Variants in PCDH11X observed in about 807,000 individuals in gnomAD.
The protein encoded by PCDH11X is protocadherin 11 X-linked.
Under a neutral mutation model 53.3 loss-of-function variants are expected in PCDH11X, and 18 were observed. That is an observed-to-expected ratio of 0.34 (90% CI 0.23 to 0.50). The LOEUF is 0.50. PCDH11X is among the 20% of genes least tolerant of loss of function. PCDH11X has a pLI of 0.98. For synonymous variants in PCDH11X, 279 were observed against 393.3 expected (o/e 0.71, Z 3.44); for missense variants, 570 against 1,032.4 (o/e 0.55, Z 6.14).
rs764383962 is a variant in PCDH11X, at chrX:91,856,056, G to A, written c.540+20012G>A. On this transcript the variant is annotated intron_variant, in intron 5 of 10. Coordinates refer to ENST00000682573, the MANE Select transcript of PCDH11X (RefSeq NM_032968.5). ...CTATGTTGAATAATAGTGGTGACAG[G>A]GGGCATCCTTGTCATGTTCCAGATC... is the stretch of plus-strand genomic sequence containing the variant. Among the ~76,000 whole-genome samples, 6 of 94,525 alleles carry A rather than the reference G, an allele frequency of 6.3e-5. No individual in the cohort carries two copies. In the South Asian group the frequency reaches 2.3e-3, roughly 36 times the overall value. The allele number at this position is 94,525 out of a possible 115,157, so 82.1% of individuals were successfully genotyped here.
At chrX:92,094,133 A>ATGTG (rs58997781) in intron 6 of PCDH11X, among the ~76,000 whole-genome samples, 66 of 94,243 alleles carry the variant, frequency 7.0e-4, no homozygotes, top group South Asian at 6.7e-3. Context: ...AAAAAGTAAT[A>ATGTG]TGTGTGTGTG....
intron 6 of PCDH11X, among the ~76,000 whole-genome samples, chrX:91,962,443 G>T (rs1226159708): frequency 1.8e-5 from 2 of 112,701 alleles, no homozygotes; most frequent in East Asian, 2.8e-4. Context: ...GTGTGCTGAT[G>T]CAAGAGGTGA....
At chrX:92,290,555 T>C (rs2068470176) in intron 8 of PCDH11X, among the ~76,000 whole-genome samples, 1 of 112,555 alleles carries the variant, frequency 8.9e-6, no homozygotes, top group South Asian at 3.6e-4. Context: ...TCACTGTTTG[T>C]AGAAGTGGAA....
chrX:92,218,035 C>G (rs1443927978), intron 7 of PCDH11X, among the ~76,000 whole-genome samples: 2 of 110,101 alleles, frequency 1.8e-5, no homozygotes, highest in Non-Finnish European at 3.8e-5. Context: ...ACCAGAATCT[C>G]TGGGACACAT....
chrX:91,883,931 T>C, intron 6 of PCDH11X: 1 of 743,490 alleles, frequency 1.3e-6, no homozygotes, highest in Non-Finnish European at 1.6e-6. Flanking sequence ...GGCTCACACC[T>C]GTAATCCCAG....
At chrX:92,442,928 C>T (rs771455643) in intron 9 of PCDH11X, among the ~76,000 whole-genome samples, 25 of 101,871 alleles carry the variant, frequency 2.5e-4, no homozygotes, top group African/African-American at 8.6e-4. Context: ...TGAGTATATA[C>T]CCAGTAATGG....
intron 10 of PCDH11X, among the ~76,000 whole-genome samples, chrX:92,597,887 A>T (rs1925806087): frequency 9.0e-6 from 1 of 111,705 alleles, no homozygotes; most frequent in Admixed American, 9.6e-5. Context: ...CGTACAGTGA[A>T]CTCATTTTCT....
intron 9 of PCDH11X, among the ~76,000 whole-genome samples, chrX:92,441,306 A>G (rs942809606): frequency 1.8e-5 from 2 of 110,802 alleles, no homozygotes; most frequent in Non-Finnish European, 3.8e-5. Flanking sequence ...ATAATTAACT[A>G]GGAGCCAAAT....
chrX:91,885,882 C>G (rs1940173775), intron 6 of PCDH11X, among the ~76,000 whole-genome samples: 1 of 111,849 alleles, frequency 8.9e-6, no homozygotes, highest in Non-Finnish European at 1.9e-5. Context: ...CTGACTTCTG[C>G]TTTGGGCTAA....
At chrX:92,058,004 C>G (rs1487682529) in intron 6 of PCDH11X, among the ~76,000 whole-genome samples, 1 of 96,158 alleles carries the variant, frequency 1.0e-5, no homozygotes, top group African/African-American at 4.6e-5. Context: ...ACTTTATTGT[C>G]CATCTTGGTT....
intron 5 of PCDH11X, among the ~76,000 whole-genome samples, chrX:91,847,553 G>C (rs7053904): frequency 0.32 from 35,624 of 109,634 alleles, 4,896 homozygotes; most frequent in African/African-American, 0.52. Flanking sequence ...TCCTTCTTCT[G>C]AAGGTCTCGT....
intron 6 of PCDH11X, among the ~76,000 whole-genome samples, chrX:92,097,542 T>A (rs754530130): frequency 4.3e-4 from 48 of 111,067 alleles, no homozygotes; most frequent in Non-Finnish European, 7.5e-4. Context: ...TCTTTGCATC[T>A]CTAATGATGG....
chrX:92,485,483 A>T (rs1375504366), intron 10 of PCDH11X, among the ~76,000 whole-genome samples: 1 of 111,537 alleles, frequency 9.0e-6, no homozygotes, highest in Admixed American at 9.6e-5. Context: ...CATGCAATCT[A>T]TCTGATTCGA....
At chrX:91,822,848 C>T in intron 4 of PCDH11X, among the ~76,000 whole-genome samples, 1 of 111,551 alleles carries the variant, frequency 9.0e-6, no homozygotes, top group Non-Finnish European at 1.9e-5. Context: ...GCTTTGAATG[C>T]ATCCCAGAGA....
chrX:91,805,435 A>G (rs1357075948), intron 1 of PCDH11X, among the ~76,000 whole-genome samples: 1 of 111,831 alleles, frequency 8.9e-6, no homozygotes, highest in Non-Finnish European at 1.9e-5. Context: ...AGGAATTTCT[A>G]ATATTCCAAG....
chrX:92,475,857 G>C (rs2073371773), intron 10 of PCDH11X, among the ~76,000 whole-genome samples: 1 of 111,592 alleles, frequency 9.0e-6, no homozygotes, highest in African/African-American at 3.3e-5. Context: ...TTCTGTAGTT[G>C]TATGTCATTA....
In PCDH11X at chrX:91,807,884, C is replaced by T. The variant is rs1936171820; in HGVS notation, c.-378-1582C>T. ...TAACACCCTTATCTGTTAGCTCTGT[C>T]GATCCAGGGATGAAGGTTCAGCTAG... On this transcript the variant is annotated intron_variant, in intron 1 of 10. Transcript: ENST00000682573. Among the ~76,000 whole-genome samples the T allele has an allele frequency of 2.8e-5, 3 of 108,108 alleles. No individual in the cohort carries two copies. In the South Asian group the frequency reaches 1.2e-3, roughly 45 times the overall value. The allele number at this position is 108,108 out of a possible 115,157, so 93.9% of individuals were successfully genotyped here.
At chrX:91,916,038 C>T (rs1214747820) in intron 6 of PCDH11X, among the ~76,000 whole-genome samples, 3 of 109,938 alleles carry the variant, frequency 2.7e-5, no homozygotes, top group Non-Finnish European at 3.8e-5. Flanking sequence ...CTAAAGGAAT[C>T]CTCAAAACTA....
intron 6 of PCDH11X, among the ~76,000 whole-genome samples, chrX:92,156,770 C>T (rs2065543915): frequency 9.0e-6 from 1 of 111,100 alleles, no homozygotes; most frequent in South Asian, 3.8e-4. Flanking sequence ...GATATACTAC[C>T]ATTTATATAC....
Sources: allele counts gnomAD v4.1 joint callset (sites outside exome capture counted in the v4.1 genomes callset), GRCh38; gene constraint gnomAD v4.1.1; transcripts MANE v1.5; gene names NCBI Gene and HGNC (gene_info 2026-07-23, HGNC 2026-07-21).